The following SIM2 variants were observed in gnomAD, a reference collection of about 807,000 sequenced individuals.
The protein encoded by SIM2 is SIM bHLH transcription factor 2.
A neutral mutation model predicts 64.8 loss-of-function variants in SIM2; 28 were observed. That is an observed-to-expected ratio of 0.43 (90% CI 0.32 to 0.59). SIM2 has a LOEUF of 0.59. Ranked by LOEUF, SIM2 falls within the 20% of genes least tolerant of loss-of-function variation. SIM2 has a pLI of 0.07. For synonymous variants in SIM2, 408 were observed against 391.1 expected, an observed-to-expected ratio of 1.04 and a Z score of -0.51; for missense variants, 847 against 871.4, an observed-to-expected ratio of 0.97 and a Z score of 0.35.
chr21:36,706,690 G>A (rs1601685773), intron 1 of SIM2, among the ~76,000 whole-genome samples: 1 of 152,102 alleles, frequency 6.6e-6, no homozygotes, highest in Non-Finnish European at 1.5e-5. Flanking sequence ...AACCTCGCCC[G>A]CATTGGTTTC....
rs2089276393 is a variant in SIM2 at position 36,748,817 on chromosome 21, T to C, written c.*725T>C. ...AACACCAAGAGTAGCACCTTCAGAA[T>C]ATATTGAATAGGCATTAAATGCAAA... On this transcript the variant is annotated 3_prime_UTR_variant, in exon 11 of 11. Coordinates refer to ENST00000290399, the MANE Select transcript of SIM2 (RefSeq NM_005069.6). 1 of 152,652 alleles carries C rather than the reference T, an allele frequency of 6.6e-6. No homozygotes were observed. The highest frequency in any genetic ancestry group is 1.5e-5 in the Non-Finnish European group (1 of 68,048). The allele number at this position is 152,652 out of a possible 1,614,324, so 9.5% of individuals were successfully genotyped here.
chr21:36,723,154 G>T (rs768706545), intron 5 of SIM2, 24 bp downstream of exon 5: 1 of 1,598,028 alleles, frequency 6.3e-7, no homozygotes, highest in South Asian at 1.1e-5. Context: ...TGGGTGCGGG[G>T]AGGAGCTGGC....
chr21:36,703,423 T>C (rs1162669798), intron 1 of SIM2, among the ~76,000 whole-genome samples: 2 of 152,208 alleles, frequency 1.3e-5, no homozygotes, highest in Non-Finnish European at 2.9e-5. Flanking sequence ...GCAAAAGCTG[T>C]GCAGTGAGGG....
chr21:36,701,591 G>C (rs952255378), intron 1 of SIM2: 2 of 152,426 alleles, frequency 1.3e-5, no homozygotes, highest in East Asian at 3.9e-4. Context: ...CGGGCGCAGC[G>C]GTCCTTCAGC....
chr21:36,739,941 C>T (rs2089133308), intron 7 of SIM2, among the ~76,000 whole-genome samples: 1 of 145,754 alleles, frequency 6.9e-6, no homozygotes, highest in South Asian at 2.2e-4. Context: ...GCACTCCAGC[C>T]TGAGCAACAC....
At position 36,748,653 on chromosome 21, in the gene SIM2, C is replaced by G. The variant is rs1340568057; in HGVS notation, c.*561C>G. 2.0e-5 allele frequency: 3 copies of G among 152,344 alleles called. No individual in the cohort carries two copies. The highest frequency in any genetic ancestry group is 4.4e-5 in the Non-Finnish European group (3 of 68,020). The allele number at this position is 152,344 out of a possible 1,614,324, so 9.4% of individuals were successfully genotyped here. The stretch of plus-strand genomic sequence containing the variant: ...TCATTATTTTTGTTTTTATTTAACC[C>G]TTTCTTCAATACAAAAAGCCAACAA... On this transcript the variant is annotated 3_prime_UTR_variant, in exon 11 of 11. Coordinates refer to ENST00000290399, the MANE Select transcript of SIM2 (RefSeq NM_005069.6).
chr21:36,706,682 C>T (rs1383594922), intron 1 of SIM2, among the ~76,000 whole-genome samples: 1 of 152,096 alleles, frequency 6.6e-6, no homozygotes, highest in Non-Finnish European at 1.5e-5. Flanking sequence ...AGTGAAAAAA[C>T]CTCGCCCGCA....
Position 36,747,424 on chromosome 21 carries a change from C to T in SIM2, c.1577-241C>T, listed in dbSNP as rs1473526532. ...GAGTATTTTGGATATGCTGCATTAA[C>T]GTGTATTACTTAACAGGCATTCCAC... is the stretch of plus-strand genomic sequence containing the variant. On this transcript the variant is annotated intron_variant, in intron 10 of 10. Coordinates refer to ENST00000290399, the MANE Select transcript of SIM2 (RefSeq NM_005069.6). The surrounding 1 kb of genome is among the most constrained non-coding windows in gnomAD (Gnocchi z 4.5). Among the ~76,000 whole-genome samples, 4 of 152,150 alleles carry T rather than the reference C, an allele frequency of 2.6e-5. No homozygotes were observed. Among genetic ancestry groups the T allele is most frequent in the African/African-American group, 9.7e-5 (4 of 41,438 alleles).
At chr21:36,721,300 G>A (rs1464508525) in intron 4 of SIM2, among the ~76,000 whole-genome samples, 1 of 152,128 alleles carries the variant, frequency 6.6e-6, no homozygotes, top group Non-Finnish European at 1.5e-5. Flanking sequence ...AAAAAATGAG[G>A]GCTAGGCTAG....
chr21:36,709,455 C>A (rs1300323150), intron 2 of SIM2: 2 of 690,012 alleles, frequency 2.9e-6, no homozygotes, highest in East Asian at 5.5e-5. Context: ...CCTAACCCTA[C>A]GTCTGCCCCC....
chr21:36,718,663 A>G (rs2088777739), intron 3 of SIM2, among the ~76,000 whole-genome samples: 1 of 152,174 alleles, frequency 6.6e-6, no homozygotes, highest in Non-Finnish European at 1.5e-5. Flanking sequence ...TGGTGGAGGA[A>G]GTCCTACCAC....
At position 36,707,973 on chromosome 21, in the gene SIM2, G is replaced by GTTCCTGGGGTGGGGAGCGGACAT. The variant is rs780782783; in HGVS notation, c.176-1195_176-1194insTTCCTGGGGTGGGGAGCGGACAT. 1.7e-4 allele frequency among the ~76,000 whole-genome samples: 26 copies of GTTCCTGGGGTGGGGAGCGGACAT among 151,098 alleles called. 1 individual carries two copies. The East Asian group carries it at 4.4e-3, about 26-fold the overall frequency. The stretch of plus-strand genomic sequence containing the variant: ...TGGGGCTGGGGCTGGGCCTGGCCCA[G>GTTCCTGGGGTGGGGAGCGGACAT]CGTGGGTTGGGGCGGGGGACGCGCC... On this transcript the variant is annotated intron_variant, in intron 1 of 10. Coordinates refer to ENST00000290399, the MANE Select transcript of SIM2 (RefSeq NM_005069.6).
chr21:36,721,429 C>A (rs1028093596), intron 4 of SIM2, among the ~76,000 whole-genome samples: 1 of 152,036 alleles, frequency 6.6e-6, no homozygotes, highest in East Asian at 1.9e-4. Flanking sequence ...TTGCACAGTA[C>A]GGTTTTTTGT....
At chr21:36,730,845 A>G (rs1437384410) in intron 6 of SIM2, among the ~76,000 whole-genome samples, 200 bp from the exon 7 acceptor site, 1 of 152,164 alleles carries the variant, frequency 6.6e-6, no homozygotes, top group Admixed American at 6.5e-5. Context: ...GAACATTCCC[A>G]TTCATGAATA....
intron 1 of SIM2, among the ~76,000 whole-genome samples, chr21:36,705,705 C>A (rs540321998): frequency 2.0e-5 from 3 of 152,200 alleles, no homozygotes; most frequent in Non-Finnish European, 4.4e-5. Context: ...CCAGGTGGGG[C>A]TCCCAAACCG....
rs1388817536 is a variant in SIM2 at position 36,748,952 on chromosome 21, G to C, written c.*860G>C. On this transcript the variant is annotated 3_prime_UTR_variant, in exon 11 of 11. Transcript: ENST00000290399. Reference sequence around the variant, plus strand: ...TCTGTAATTCACTAGGCTCGTGTTTGCTACAAATAGTGCTAATAAAGTTAA... The same window carrying C: ...TCTGTAATTCACTAGGCTCGTGTTTCCTACAAATAGTGCTAATAAAGTTAA... The C allele has an allele frequency of 6.6e-6, 1 of 152,620 alleles. No homozygotes were observed. Among genetic ancestry groups the C allele is most frequent in the Non-Finnish European group, 1.5e-5 (1 of 68,046 alleles). The allele number at this position is 152,620 out of a possible 1,614,324, so 9.5% of individuals were successfully genotyped here.
At chr21:36,709,551 A>G (rs1287869146) in intron 2 of SIM2, 2 of 545,200 alleles carry the variant, frequency 3.7e-6, no homozygotes, top group South Asian at 3.3e-5. Flanking sequence ...GTGCTTTCCA[A>G]TCTCACTTCC....
chr21:36,746,851 T>C (rs942790631), intron 10 of SIM2, among the ~76,000 whole-genome samples: 1 of 152,258 alleles, frequency 6.6e-6, no homozygotes, highest in African/African-American at 2.4e-5. Context: ...AGCTGGCTAA[T>C]GCTGTCACAT....
intron 8 of SIM2, among the ~76,000 whole-genome samples, chr21:36,742,824 C>T (rs1241347275): frequency 6.6e-6 from 1 of 152,170 alleles, no homozygotes; most frequent in African/African-American, 2.4e-5. Flanking sequence ...ACAGTTTAGC[C>T]CTTTAGTTAT....
Sources: allele counts gnomAD v4.1 joint callset (sites outside exome capture counted in the v4.1 genomes callset), GRCh38; gene constraint gnomAD v4.1.1; non-coding constraint Gnocchi (gnomAD v3.1); transcripts MANE v1.5; gene names NCBI Gene and HGNC (gene_info 2026-07-23, HGNC 2026-07-21).